KIFAP3: variants seen among roughly 807,000 people sequenced by gnomAD.
The protein encoded by KIFAP3 is kinesin-associated protein 3.
Under a neutral mutation model 106.5 loss-of-function variants are expected in KIFAP3, and 68 were observed. That is an observed-to-expected ratio of 0.64 (90% CI 0.53 to 0.78). KIFAP3 has a LOEUF of 0.78. Among genes scored for constraint, KIFAP3 ranks in the 30% least tolerant of loss-of-function variants. The pLI is 0.00. For synonymous variants in KIFAP3, 320 were observed against 311.5 expected, an observed-to-expected ratio of 1.03 and a Z score of -0.29; for missense variants, 780 against 941.8, an observed-to-expected ratio of 0.83 and a Z score of 2.25.
chr1:170,038,637 T>C (rs757468271), intron 4 of KIFAP3, among the ~76,000 whole-genome samples: 1 of 152,236 alleles, frequency 6.6e-6, no homozygotes, highest in African/African-American at 2.4e-5. Context: ...ATGAGATTTA[T>C]ATAAACTTTA....
chr1:170,067,727 A>G (rs1671514387), intron 1 of KIFAP3: 1 of 152,280 alleles, frequency 6.6e-6, no homozygotes, highest in Non-Finnish European at 1.5e-5. Flanking sequence ...GCAGCTATGC[A>G]GTCACTGAAA....
intron 10 of KIFAP3, among the ~76,000 whole-genome samples, chr1:170,002,135 A>G (rs1232333887): frequency 6.6e-6 from 1 of 152,184 alleles, no homozygotes; most frequent in Non-Finnish European, 1.5e-5. Context: ...AGACTTGTCT[A>G]AACCGGAAGA....
At chr1:169,984,399 A>G (rs989138492) in intron 12 of KIFAP3, among the ~76,000 whole-genome samples, 183 bp downstream of exon 12, 1 of 151,906 alleles carries the variant, frequency 6.6e-6, no homozygotes, top group African/African-American at 2.4e-5. Context: ...ATCAGAAGGT[A>G]AGTGTCTGCA....
chr1:170,014,256 TG>T lies in KIFAP3; in HGVS notation c.1183+2205del, dbSNP rs199968142. On this transcript the variant is annotated intron_variant, in intron 10 of 19. Coordinates refer to ENST00000361580, the MANE Select transcript of KIFAP3 (RefSeq NM_014970.4). ...GTCTACAATGATCCCCACCATCAGT[TG>T]TAAGTACAAACTTCTTAGCAATGCT... 7.5e-3 allele frequency among the ~76,000 whole-genome samples: 1,141 copies of T among 152,328 alleles called. 10 individuals are homozygous for T. The highest frequency in any genetic ancestry group is 0.026 in the South Asian group (125 of 4,830).
chr1:170,084,165 T>C (rs377496714), intron 1 of KIFAP3, among the ~76,000 whole-genome samples: 4 of 152,168 alleles, frequency 2.6e-5, no homozygotes, highest in South Asian at 2.1e-4. Flanking sequence ...CTGGGTTGCA[T>C]TGGGAAGCCT....
intron 19 of KIFAP3, among the ~76,000 whole-genome samples, chr1:169,937,777 A>G (rs564857732): frequency 2.0e-5 from 3 of 151,816 alleles, no homozygotes; most frequent in Non-Finnish European, 4.4e-5. Context: ...ATACAGCAGT[A>G]AAAATTCTTA....
chr1:169,939,533 T>C (rs933589482), intron 19 of KIFAP3, among the ~76,000 whole-genome samples: 6 of 152,164 alleles, frequency 3.9e-5, no homozygotes, highest in African/African-American at 1.2e-4. Context: ...AAGCTAAAAA[T>C]ATAGGTTTAC....
chr1:169,975,039 A>C (rs1208787459), intron 16 of KIFAP3, among the ~76,000 whole-genome samples: 1 of 152,100 alleles, frequency 6.6e-6, no homozygotes, highest in African/African-American at 2.4e-5. Flanking sequence ...TTAATAAAAT[A>C]TAAATGCTAT....
At chr1:170,001,381 A>T (rs1285068931) in intron 10 of KIFAP3, among the ~76,000 whole-genome samples, 4 of 152,174 alleles carry the variant, frequency 2.6e-5, no homozygotes, top group East Asian at 3.8e-4. Context: ...AGCTGGTGAC[A>T]GAAGAATCTT....
chr1:169,941,815 T>A (rs1664135968), intron 19 of KIFAP3, among the ~76,000 whole-genome samples: 1 of 152,188 alleles, frequency 6.6e-6, no homozygotes, highest in Non-Finnish European at 1.5e-5. Flanking sequence ...CTGTATTAAC[T>A]GAATCAGGTA....
At chr1:169,928,518 A>G (rs1162135827) in intron 19 of KIFAP3, among the ~76,000 whole-genome samples, 2 of 151,712 alleles carry the variant, frequency 1.3e-5, no homozygotes, top group Non-Finnish European at 2.9e-5. Context: ...AAGACATGGC[A>G]AAACCTCATT....
rs765436555 is a variant in KIFAP3 at position 170,046,760 on chromosome 1, G to A, written c.271C>T (p.Gln91Ter). The change falls in exon 3 of 20, where the codon CAG becomes TAG. Residue 91 changes from glutamine (Q) to a stop codon, truncating the protein, a stop_gained. Transcript: ENST00000361580. LOFTEE classifies it high-confidence loss of function. ...CGGTTCTGTAGATAGTACAACAGCT[G>A]TTCTACCTCATTTAGTTTTGAAGGA... ...IHPSKLNEVE[Q>*]LLYYLQNRRD... 6.2e-7 allele frequency: 1 copy of A among 1,607,474 alleles called. No individual in the cohort carries two copies. Among genetic ancestry groups the A allele is most frequent in the African/African-American group, 1.3e-5 (1 of 74,692 alleles).
At chr1:169,968,571 AGCT>A (rs1469315540) in intron 17 of KIFAP3, among the ~76,000 whole-genome samples, 3 of 151,902 alleles carry the variant, frequency 2.0e-5, no homozygotes, top group Admixed American at 1.3e-4. Flanking sequence ...TTACGGTGGT[AGCT>A]GCTAACAAGA....
chr1:169,943,387 A>G (rs1664246746), intron 19 of KIFAP3, among the ~76,000 whole-genome samples: 1 of 152,228 alleles, frequency 6.6e-6, no homozygotes, highest in Admixed American at 6.5e-5. Flanking sequence ...AAATCAATCA[A>G]GACAACAATA....
intron 2 of KIFAP3, among the ~76,000 whole-genome samples, chr1:170,048,716 G>A (rs556918223): frequency 1.3e-5 from 2 of 151,658 alleles, no homozygotes; most frequent in African/African-American, 2.4e-5. Flanking sequence ...CGGGGGCGTC[G>A]CTACACCCAG....
chr1:169,942,891 C>T (rs2806384), intron 19 of KIFAP3, among the ~76,000 whole-genome samples: 135,058 of 144,716 alleles, frequency 0.93, 63,124 homozygotes, highest in East Asian at 0.99. Flanking sequence ...TAGATACTTC[C>T]GTAAGCAGTT....
chr1:169,952,955 A>G (rs1458343284), intron 19 of KIFAP3, among the ~76,000 whole-genome samples: 1 of 152,148 alleles, frequency 6.6e-6, no homozygotes, highest in Non-Finnish European at 1.5e-5. Flanking sequence ...TATCTTACAC[A>G]TAGAAAATAG....
chr1:170,024,247 A>T (rs2102022683), intron 9 of KIFAP3, 171 bp downstream of exon 9: 1 of 448,790 alleles, frequency 2.2e-6, no homozygotes, highest in East Asian at 3.5e-5. Flanking sequence ...TGGAATATTA[A>T]CTAATATGGA....
chr1:169,931,260 A>T (rs1663459993), intron 19 of KIFAP3, among the ~76,000 whole-genome samples: 3 of 152,210 alleles, frequency 2.0e-5, no homozygotes, highest in Admixed American at 2.0e-4. Flanking sequence ...GGAAAAAAAT[A>T]TAAATTTTAG....
Sources: allele counts gnomAD v4.1 joint callset (sites outside exome capture counted in the v4.1 genomes callset), GRCh38; gene constraint gnomAD v4.1.1; transcripts MANE v1.5; gene names NCBI Gene and HGNC (gene_info 2026-07-23, HGNC 2026-07-21).